Variants in ERGIC1 observed in about 807,000 individuals in gnomAD.
ERGIC1 encodes the protein endoplasmic reticulum-Golgi intermediate compartment protein 1.
ERGIC1 carries 19 observed loss-of-function variants against 38.3 expected under a neutral mutation model. The ratio of observed to expected loss-of-function variants is 0.50; its 90% CI spans 0.35 to 0.73. ERGIC1 has a LOEUF of 0.73. Among genes scored for constraint, ERGIC1 ranks in the 30% least tolerant of loss-of-function variants. ERGIC1 has a pLI of 0.01. For missense variants in ERGIC1, 294 were observed against 389.2 expected, an observed-to-expected ratio of 0.76 and a Z score of 2.06; for synonymous variants, 124 against 157.6, an observed-to-expected ratio of 0.79 and a Z score of 1.60.
At chr5:172,935,100 G>A in intron 8 of ERGIC1, 88 bp from the exon 9 acceptor site, 2 of 1,595,014 alleles carry the variant, frequency 1.3e-6, no homozygotes, top group Non-Finnish European at 1.7e-6. Flanking sequence ...GCCCTTTCTG[G>A]AGGGTTGCTG....
rs1158698842 is a variant in ERGIC1 at position 172,952,523 on chromosome 5, A to AAG, written c.*1708_*1709insGA. On this transcript the variant is annotated 3_prime_UTR_variant, in exon 10 of 10. Coordinates refer to ENST00000393784, the MANE Select transcript of ERGIC1 (RefSeq NM_001031711.3). ...TTCTTTTATGCATTTTTTTGAAGAA[A>AAG]AAAAAAAAAACAACTCTGAGGACAT... 5.7e-5 allele frequency: 8 copies of AAG among 139,632 alleles called. No homozygotes were observed. In the East Asian group the frequency reaches 1.4e-3, roughly 24 times the overall value. The allele number at this position is 139,632 out of a possible 1,614,324, so 8.6% of individuals were successfully genotyped here.
At chr5:172,908,313 G>GA (rs1763094612) in intron 3 of ERGIC1, among the ~76,000 whole-genome samples, 2 of 4,788 alleles carry the variant, frequency 4.2e-4, no homozygotes, top group Non-Finnish European at 1.8e-3. Flanking sequence ...GGGCGGGGGG[G>GA]GGGGGAGAGA....
chr5:172,935,584 T>G, intron 9 of ERGIC1: 3 of 386,328 alleles, frequency 7.8e-6, no homozygotes, highest in Non-Finnish European at 4.8e-6. Flanking sequence ...CTCCATATGG[T>G]TCCACTAGAT....
intron 5 of ERGIC1, among the ~76,000 whole-genome samples, chr5:172,918,679 C>T (rs944514198): frequency 4.6e-5 from 7 of 152,316 alleles, no homozygotes; most frequent in Middle Eastern, 3.4e-3. Flanking sequence ...GAGAAGGGGC[C>T]GCTGCAGGAG....
chr5:172,857,363 T>C (rs968078901), intron 1 of ERGIC1, among the ~76,000 whole-genome samples: 1 of 152,158 alleles, frequency 6.6e-6, no homozygotes, highest in Non-Finnish European at 1.5e-5. Flanking sequence ...GGAGTACACA[T>C]TTCTGCTCCA....
At chr5:172,850,503 G>A (rs792963) in intron 1 of ERGIC1, among the ~76,000 whole-genome samples, 1 of 152,228 alleles carries the variant, frequency 6.6e-6, no homozygotes, top group African/African-American at 2.4e-5. Context: ...GTAGAGGGAG[G>A]TGGGCACCGT....
chr5:172,920,981 C>T (rs543840710), intron 5 of ERGIC1, among the ~76,000 whole-genome samples: 1 of 152,352 alleles, frequency 6.6e-6, no homozygotes, highest in East Asian at 1.9e-4. Context: ...TTAAAACCCA[C>T]AGTGGGCTTT....
chr5:172,911,701 C>T (rs1329986677), intron 4 of ERGIC1, among the ~76,000 whole-genome samples: 2 of 152,150 alleles, frequency 1.3e-5, no homozygotes, highest in Non-Finnish European at 1.5e-5. Flanking sequence ...TCCAGCTGGC[C>T]TTCCTTTCTG....
chr5:172,900,721 A>C (rs1471257668), intron 3 of ERGIC1, among the ~76,000 whole-genome samples: 4,603 of 145,992 alleles, frequency 0.032, 254 homozygotes, highest in African/African-American at 0.11. Flanking sequence ...AAAAAAAAAA[A>C]CAAAAAAAAA....
chr5:172,899,525 G>A (rs1186761335), intron 3 of ERGIC1, among the ~76,000 whole-genome samples: 5 of 152,066 alleles, frequency 3.3e-5, no homozygotes, highest in Admixed American at 1.3e-4. Flanking sequence ...CCATTTTGGT[G>A]AGGCTGGTCT....
In ERGIC1 at chr5:172,846,667, A is replaced by G. The variant is rs1761288072; in HGVS notation, c.20+12234A>G. Reference sequence around the variant, plus strand: ...TCATAAGAGTAACCTTCAAAGGAATAGGAAGGTTTCTCCTGGCGCAGGAAA... The same window carrying G: ...TCATAAGAGTAACCTTCAAAGGAATGGGAAGGTTTCTCCTGGCGCAGGAAA... On this transcript the variant is annotated intron_variant, in intron 1 of 9. Coordinates refer to ENST00000393784, the MANE Select transcript of ERGIC1 (RefSeq NM_001031711.3). The surrounding 1 kb of genome is among the most constrained non-coding windows in gnomAD (Gnocchi z 4.0). 6.6e-6 allele frequency among the ~76,000 whole-genome samples: 1 copy of G among 152,340 alleles called. No homozygotes were observed. The highest frequency in any genetic ancestry group is 1.9e-4 in the East Asian group (1 of 5,184).
At chr5:172,875,677 T>G (rs965358749) in intron 1 of ERGIC1, among the ~76,000 whole-genome samples, 4 of 152,114 alleles carry the variant, frequency 2.6e-5, no homozygotes, top group Non-Finnish European at 5.9e-5. Context: ...TCACTAAAGC[T>G]CAAACTCCTG....
At chr5:172,920,238 C>A in intron 5 of ERGIC1, 1 of 701,324 alleles carries the variant, frequency 1.4e-6, no homozygotes. Context: ...AACCGCCCAT[C>A]AAGAGGTGCT....
intron 1 of ERGIC1, among the ~76,000 whole-genome samples, chr5:172,881,958 C>T (rs1762296196): frequency 6.6e-6 from 1 of 152,198 alleles, no homozygotes; most frequent in Non-Finnish European, 1.5e-5. Flanking sequence ...CACATCACCG[C>T]AGCAAGGGAC....
chr5:172,884,158 G>A (rs1425740320), intron 1 of ERGIC1, among the ~76,000 whole-genome samples: 1 of 147,806 alleles, frequency 6.8e-6, no homozygotes, highest in Non-Finnish European at 1.5e-5. Context: ...TATCCTTTCT[G>A]TTTTATCCAA....
At chr5:172,932,653 T>TC (rs1320677752) in intron 8 of ERGIC1, 117 bp downstream of exon 8, 1 of 1,031,032 alleles carries the variant, frequency 9.7e-7, no homozygotes, top group Non-Finnish European at 1.4e-6. Flanking sequence ...TGGAGGCCTT[T>TC]CCTGGGGGTT....
chr5:172,908,850 G>T (rs2113375679), intron 3 of ERGIC1, among the ~76,000 whole-genome samples: 1 of 152,302 alleles, frequency 6.6e-6, no homozygotes, highest in East Asian at 1.9e-4. Flanking sequence ...AACCGGTTCT[G>T]CCCCTACGGA....
intron 3 of ERGIC1, among the ~76,000 whole-genome samples, chr5:172,901,963 G>A (rs1762892295): frequency 6.6e-6 from 1 of 152,144 alleles, no homozygotes; most frequent in African/African-American, 2.4e-5. Context: ...AACTACTACT[G>A]TTCACCCCAT....
chr5:172,920,136 C>T (rs150085850), intron 5 of ERGIC1, among the ~76,000 whole-genome samples: 43 of 152,234 alleles, frequency 2.8e-4, no homozygotes, highest in Middle Eastern at 3.4e-3. Flanking sequence ...GTCTGTGTGC[C>T]CCAGGTCACA....
Sources: allele counts gnomAD v4.1 joint callset (sites outside exome capture counted in the v4.1 genomes callset), GRCh38; gene constraint gnomAD v4.1.1; non-coding constraint Gnocchi (gnomAD v3.1); transcripts MANE v1.5; gene names NCBI Gene and HGNC (gene_info 2026-07-23, HGNC 2026-07-21).